The following ENOX1 variants were observed in gnomAD, a reference collection of about 807,000 sequenced individuals.
ENOX1 encodes the protein ecto-NOX disulfide-thiol exchanger 1, also known as candidate growth-related and time keeping constitutive hydroquinone (NADH) oxidase.
Under a neutral mutation model 82.5 loss-of-function variants are expected in ENOX1, and 42 were observed. That is an observed-to-expected ratio of 0.51 (90% CI 0.40 to 0.66). The LOEUF (loss-of-function observed/expected upper bound fraction) is 0.66, where lower values mean the gene tolerates loss of function less well. Ranked by LOEUF, ENOX1 falls within the 30% of genes least tolerant of loss-of-function variation. ENOX1 has a pLI of 0.00. For synonymous variants in ENOX1, 271 were observed against 282.2 expected, an observed-to-expected ratio of 0.96 and a Z score of 0.40; for missense variants, 608 against 811.6, an observed-to-expected ratio of 0.75 and a Z score of 3.05.
intron 2 of ENOX1, among the ~76,000 whole-genome samples, chr13:43,646,507 T>A (rs180840591): frequency 1.3e-5 from 2 of 152,324 alleles, no homozygotes; most frequent in East Asian, 3.9e-4. Flanking sequence ...CTGCAGCTAC[T>A]GAAATGAAGG....
intron 2 of ENOX1, chr13:43,543,914 T>TTTTTTTTTTTTTTTTTTTTG (rs2078858764): frequency 2.0e-5 from 1 of 50,350 alleles, no homozygotes; most frequent in Non-Finnish European, 4.4e-5. Context: ...TTTCTTTTTC[T>TTTTTTTTTTTTTTTTTTTTG]TTTTTTTTTT....
At chr13:43,469,724 C>A (rs912043423) in intron 3 of ENOX1, among the ~76,000 whole-genome samples, 2 of 151,918 alleles carry the variant, frequency 1.3e-5, no homozygotes. Flanking sequence ...TATTCCCAAT[C>A]ATAATCCCAT....
intron 5 of ENOX1, among the ~76,000 whole-genome samples, chr13:43,369,558 T>C (rs1244776326): frequency 6.6e-6 from 1 of 152,228 alleles, no homozygotes; most frequent in East Asian, 1.9e-4. Context: ...AGTGACCTCA[T>C]TCTACTAAAA....
chr13:43,630,513 G>A (rs1340536902), intron 2 of ENOX1, among the ~76,000 whole-genome samples: 1 of 151,986 alleles, frequency 6.6e-6, no homozygotes, highest in East Asian at 1.9e-4. Flanking sequence ...CCCCAGAAGG[G>A]TTTTTGTTGG....
chr13:43,550,544 C>T (rs2079150364), intron 2 of ENOX1, among the ~76,000 whole-genome samples: 1 of 152,144 alleles, frequency 6.6e-6, no homozygotes, highest in Non-Finnish European at 1.5e-5. Flanking sequence ...TCTTTCTCAT[C>T]TTCTACTTGA....
At chr13:43,646,492 C>T (rs1450087190) in intron 2 of ENOX1, among the ~76,000 whole-genome samples, 6 of 152,182 alleles carry the variant, frequency 3.9e-5, no homozygotes, top group South Asian at 2.1e-4. Context: ...GACTGCCTGA[C>T]GACTCTGCAG....
chr13:43,621,369 A>G (rs1336698948), intron 2 of ENOX1, among the ~76,000 whole-genome samples: 1 of 152,110 alleles, frequency 6.6e-6, no homozygotes, highest in Non-Finnish European at 1.5e-5. Context: ...TGCTTTAAAG[A>G]GGTCCTGTTT....
intron 9 of ENOX1, among the ~76,000 whole-genome samples, chr13:43,342,711 C>T (rs2049140614): frequency 6.6e-6 from 1 of 152,186 alleles, no homozygotes; most frequent in African/African-American, 2.4e-5. Flanking sequence ...ATGCTCAACA[C>T]AACGTCCAAC....
At chr13:43,224,374 T>C (rs1215492958) in intron 15 of ENOX1, among the ~76,000 whole-genome samples, 1 of 152,228 alleles carries the variant, frequency 6.6e-6, no homozygotes, top group African/African-American at 2.4e-5. Flanking sequence ...GACTCTGAGA[T>C]AATATACAGC....
rs547016931 is a variant in ENOX1, at chr13:43,624,143, T to C, written c.-219+43336A>G. On this transcript the variant is annotated intron_variant, in intron 2 of 16. Transcript: ENST00000690772. The stretch of plus-strand genomic sequence containing the variant: ...TCTGATTCATATATAGTGATACTCA[T>C]TGTGATTTTAACTTGCATTCTTGTA... 6.6e-5 allele frequency among the ~76,000 whole-genome samples: 10 copies of C among 152,330 alleles called. No homozygotes were observed. In the East Asian group the frequency reaches 1.7e-3, roughly 26 times the overall value.
intron 4 of ENOX1, 36 bp downstream of exon 4, chr13:43,412,809 C>T (rs1230986696): frequency 1.9e-6 from 3 of 1,610,244 alleles, no homozygotes; most frequent in Non-Finnish European, 2.5e-6. Context: ...CTCAAAAAAT[C>T]CTTGTTTGTG....
intron 1 of ENOX1, among the ~76,000 whole-genome samples, chr13:43,739,697 T>C (rs1168468274): frequency 6.6e-6 from 1 of 151,870 alleles, no homozygotes; most frequent in Non-Finnish European, 1.5e-5. Context: ...TATTAATAAA[T>C]AAGATGGTTA....
At chr13:43,746,221 T>A (rs1208594479) in intron 1 of ENOX1, among the ~76,000 whole-genome samples, 1 of 152,044 alleles carries the variant, frequency 6.6e-6, no homozygotes, top group Non-Finnish European at 1.5e-5. Context: ...ATACACTAAA[T>A]AGAAAAGAAA....
At chr13:43,472,513 G>A (rs539916419) in intron 3 of ENOX1, among the ~76,000 whole-genome samples, 25 of 152,138 alleles carry the variant, frequency 1.6e-4, no homozygotes, top group Admixed American at 1.3e-3. Flanking sequence ...TCTAACACAC[G>A]GCACGGTGCA....
At chr13:43,290,119 G>A (rs2045916535) in intron 12 of ENOX1, among the ~76,000 whole-genome samples, 2 of 152,210 alleles carry the variant, frequency 1.3e-5, no homozygotes, top group African/African-American at 4.8e-5. Context: ...CTTATACACT[G>A]TTGGTAGGAA....
intron 12 of ENOX1, among the ~76,000 whole-genome samples, chr13:43,274,581 T>A (rs1355029362): frequency 6.6e-6 from 1 of 152,214 alleles, no homozygotes; most frequent in Non-Finnish European, 1.5e-5. Context: ...ATTATAGAAG[T>A]TCATAAGCAG....
At chr13:43,276,316 C>T (rs2045030501) in intron 12 of ENOX1, among the ~76,000 whole-genome samples, 1 of 152,186 alleles carries the variant, frequency 6.6e-6, no homozygotes, top group African/African-American at 2.4e-5. Flanking sequence ...CATCCTGCCT[C>T]TGTAACCCTG....
intron 2 of ENOX1, among the ~76,000 whole-genome samples, chr13:43,527,129 G>A (rs1004534909): frequency 1.9e-4 from 29 of 152,090 alleles, no homozygotes; most frequent in African/African-American, 6.5e-4. Flanking sequence ...TTTTGTTACA[G>A]CAACACTAAT....
intron 3 of ENOX1, among the ~76,000 whole-genome samples, chr13:43,457,527 GA>G (rs573328764): frequency 2.0e-4 from 31 of 152,210 alleles, no homozygotes; most frequent in African/African-American, 7.2e-4. Context: ...GAAAGGGAGG[GA>G]GGGGGAAGGA....
Sources: gnomAD v4.1 joint callset for allele counts (sites outside exome capture counted in the v4.1 genomes callset) on GRCh38, gnomAD v4.1.1 for gene constraint, MANE v1.5 for transcripts, NCBI Gene and HGNC (gene_info 2026-07-23, HGNC 2026-07-21) for gene names.